LRRC7: variants seen among roughly 807,000 people sequenced by gnomAD.
LRRC7 encodes leucine-rich repeat-containing protein 7.
A neutral mutation model predicts 175.7 loss-of-function variants in LRRC7; 23 were observed. The observed-to-expected ratio is 0.13, with a 90% confidence interval of 0.09 to 0.19. The LOEUF is 0.19. LRRC7 is among the 10% of genes least tolerant of loss of function. The pLI, the probability that LRRC7 is intolerant of heterozygous loss-of-function variation, is 1.00. For missense variants in LRRC7, 1,354 were observed against 1,904.7 expected (o/e 0.71, Z 5.38); for synonymous variants, 685 against 680.9 (o/e 1.01, Z -0.09).
At position 69,979,545 on chromosome 1, in the gene LRRC7, T is replaced by C. The variant is rs143766700; in HGVS notation, c.712-834T>C. Among the ~76,000 whole-genome samples the C allele has an allele frequency of 2.5e-3, 376 of 152,236 alleles. 2 individuals are homozygous for C. The highest frequency in any genetic ancestry group is 8.8e-3 in the African/African-American group (366 of 41,548). ...AGTATTCTCCTATATGCTGCCTTGG[T>C]TTTAGTTATTTATAAATATTTCTCT... is the stretch of plus-strand genomic sequence containing the variant. On this transcript the variant is annotated intron_variant, in intron 8 of 26. Transcript: ENST00000651989.
Position 69,717,769 on chromosome 1 carries a change from A to G in LRRC7, c.100+39291A>G, listed in dbSNP as rs12097160. Among the ~76,000 whole-genome samples the G allele has an allele frequency of 1.6e-3, 102 of 64,172 alleles. 12 individuals are homozygous for G. Among genetic ancestry groups the G allele is most frequent in the African/African-American group, 8.5e-3 (99 of 11,692 alleles). 42.1% of individuals were successfully genotyped at this position (64,172 alleles called of 152,430 possible). A position where few individuals can be genotyped will look rare whatever the true frequency, so the allele number is the denominator to read the frequency against. ...AGATATTGGAACATGAAAAAAAGAA[A>G]AAAAGAAAGAAAGAAAGAAAGAAAG... On this transcript the variant is annotated intron_variant, in intron 2 of 26. Transcript: ENST00000651989.
chr1:69,847,384 T>G (rs761648327), intron 7 of LRRC7, among the ~76,000 whole-genome samples: 10 of 152,164 alleles, frequency 6.6e-5, no homozygotes, highest in Non-Finnish European at 1.0e-4. Flanking sequence ...GTATTACCTC[T>G]GTGCTGATGA....
intron 25 of LRRC7, among the ~76,000 whole-genome samples, chr1:70,107,174 A>G (rs1665203414): frequency 6.6e-6 from 1 of 152,234 alleles, no homozygotes; most frequent in Admixed American, 6.5e-5. Context: ...TTATAACCAC[A>G]TAGTCATAAA....
At chr1:69,886,442 C>T (rs1278881589) in intron 7 of LRRC7, among the ~76,000 whole-genome samples, 1 of 151,808 alleles carries the variant, frequency 6.6e-6, no homozygotes, top group East Asian at 1.9e-4. Flanking sequence ...ATTGCAAGCC[C>T]TGCCTTTTTT....
In LRRC7 at chr1:70,121,861, G is replaced by A. The variant is rs1403507063; in HGVS notation, c.4702G>A (p.Val1568Ile). 6.2e-7 allele frequency: 1 copy of A among 1,607,418 alleles called. No homozygotes were observed. Among genetic ancestry groups the A allele is most frequent in the Non-Finnish European group, 8.5e-7 (1 of 1,174,222 alleles). ...LKSFQNTVDL[V>I]IQRELTV ...GAGTTTCCAGAACACAGTAGACCTAGTTATTCAACGTGAGCTTACTGTCTA... is the reference window on the plus strand; with the variant it reads ...GAGTTTCCAGAACACAGTAGACCTAATTATTCAACGTGAGCTTACTGTCTA... Residue 1568 changes from valine (V) to isoleucine (I), a missense_variant, in exon 27 of 27, where the codon GTT becomes ATT. Val to Ile is a conservative substitution (Grantham distance 29). Transcript: ENST00000651989.
chr1:69,574,649 A>T (rs1363465706), intron 1 of LRRC7, among the ~76,000 whole-genome samples: 1 of 152,198 alleles, frequency 6.6e-6, no homozygotes, highest in Non-Finnish European at 1.5e-5. Flanking sequence ...AAAATTGCAA[A>T]TAATAGACTT....
In LRRC7 at chr1:69,690,914, C is replaced by A. The variant is rs138476919; in HGVS notation, c.100+12436C>A. ...CATTGAAACCCATTCTTTGGTGACT[C>A]AGCTTCTTGTGGGGTCTTTCAGACC... is the stretch of plus-strand genomic sequence containing the variant. On this transcript the variant is annotated intron_variant, in intron 2 of 26. Coordinates refer to ENST00000651989, the MANE Select transcript of LRRC7 (RefSeq NM_001370785.2). Among the ~76,000 whole-genome samples the A allele has an allele frequency of 6.7e-3, 1,022 of 152,264 alleles. 6 individuals carry two copies. The highest frequency in any genetic ancestry group is 0.027 in the Middle Eastern group (8 of 294).
At chr1:69,724,351 A>G (rs770698770) in intron 2 of LRRC7, among the ~76,000 whole-genome samples, 29 of 152,156 alleles carry the variant, frequency 1.9e-4, no homozygotes, top group Non-Finnish European at 3.1e-4. Context: ...CAAAAAACAC[A>G]TGAAAACCTA....
intron 25 of LRRC7, among the ~76,000 whole-genome samples, chr1:70,095,735 C>T (rs951044685): frequency 4.6e-5 from 7 of 151,890 alleles, no homozygotes; most frequent in African/African-American, 7.3e-5. Context: ...AGTAAGGTCA[C>T]TAAAAAGTAT....
At chr1:69,786,317 C>CT (rs576322370) in intron 3 of LRRC7, among the ~76,000 whole-genome samples, 1 of 151,900 alleles carries the variant, frequency 6.6e-6, no homozygotes, top group African/African-American at 2.4e-5. Flanking sequence ...TCCTAGAAGA[C>CT]TTTTTTTTCT....
At chr1:69,674,083 C>G (rs1659466787) in intron 1 of LRRC7, among the ~76,000 whole-genome samples, 1 of 152,186 alleles carries the variant, frequency 6.6e-6, no homozygotes, top group South Asian at 2.1e-4. Context: ...TCACAGCTCA[C>G]TGCAGCCTCC....
intron 2 of LRRC7, among the ~76,000 whole-genome samples, chr1:69,696,251 A>G (rs79732354): frequency 0.23 from 34,988 of 152,092 alleles, 4,578 homozygotes; most frequent in South Asian, 0.33. Flanking sequence ...GTCAAAGATT[A>G]TTTTGGAGCT....
Position 69,907,807 on chromosome 1 carries a change from T to A in LRRC7, c.648-23700T>A, listed in dbSNP as rs552379279. Among the ~76,000 whole-genome samples the A allele has an allele frequency of 5.9e-5, 9 of 152,288 alleles. No individual in the cohort carries two copies. In the East Asian group the frequency reaches 1.7e-3, roughly 29 times the overall value. The stretch of plus-strand genomic sequence containing the variant: ...AGTTAGGGAGGATTCCCTCTTTTTC[T>A]ATTGATTGGAATAGTTTCAGAAGGA... On this transcript the variant is annotated intron_variant, in intron 7 of 26. Transcript: ENST00000651989.
rs544179100 is a variant in LRRC7, at chr1:69,888,161, T to C, written c.648-43346T>C. On this transcript the variant is annotated intron_variant, in intron 7 of 26. Coordinates refer to ENST00000651989, the MANE Select transcript of LRRC7 (RefSeq NM_001370785.2). ...TGGGCTCCACCCAGTTTGAGCTTCC[T>C]GGCTGCTTTGTTTACCTAAGCAAGC... Among the ~76,000 whole-genome samples, 90 of 150,220 alleles carry C rather than the reference T, an allele frequency of 6.0e-4. 1 individual carries two copies. Among genetic ancestry groups the C allele is most frequent in the Admixed American group, 5.1e-3 (77 of 15,030 alleles).
At chr1:69,845,045 T>C (rs913621942) in intron 7 of LRRC7, among the ~76,000 whole-genome samples, 4 of 151,480 alleles carry the variant, frequency 2.6e-5, no homozygotes, top group Non-Finnish European at 2.9e-5. Context: ...AGCCCAGGAG[T>C]TTGAGACCAG....
At chr1:69,858,832 G>C (rs1160523729) in intron 7 of LRRC7, among the ~76,000 whole-genome samples, 2 of 152,072 alleles carry the variant, frequency 1.3e-5, no homozygotes, top group Non-Finnish European at 2.9e-5. Flanking sequence ...ATGGTCTTTT[G>C]AGTCTTTTTA....
intron 24 of LRRC7, among the ~76,000 whole-genome samples, chr1:70,084,952 G>A (rs1355895813): frequency 6.6e-6 from 1 of 152,006 alleles, no homozygotes; most frequent in Non-Finnish European, 1.5e-5. Flanking sequence ...CTTCTTTGGA[G>A]AAACATCTTT....
chr1:69,570,701 C>T (rs1413443475), intron 1 of LRRC7, among the ~76,000 whole-genome samples: 1 of 152,012 alleles, frequency 6.6e-6, no homozygotes, highest in Non-Finnish European at 1.5e-5. Context: ...TTTGTTTTTA[C>T]AAAAGACAGT....
chr1:69,877,104 G>T (rs1686111023), intron 7 of LRRC7, among the ~76,000 whole-genome samples: 1 of 152,184 alleles, frequency 6.6e-6, no homozygotes, highest in African/African-American at 2.4e-5. Context: ...CGAGGAAGGA[G>T]TAACCATGAG....
Sources: gnomAD v4.1 joint callset for allele counts (sites outside exome capture counted in the v4.1 genomes callset) on GRCh38, gnomAD v4.1.1 for gene constraint, MANE v1.5 for transcripts, NCBI Gene and HGNC (gene_info 2026-07-23, HGNC 2026-07-21) for gene names.